Variants in CHODL observed in about 807,000 individuals in gnomAD.
CHODL encodes the protein transmembrane protein MT75.
CHODL carries 29 observed loss-of-function variants against 34.5 expected under a neutral mutation model. The ratio of observed to expected loss-of-function variants is 0.84; its 90% confidence interval spans 0.63 to 1.15. CHODL has a LOEUF of 1.15. CHODL is among the 50% of genes most tolerant of loss of function. CHODL has a pLI of 0.00. For synonymous variants in CHODL, 125 were observed against 116.1 expected (o/e 1.08, Z -0.49); for missense variants, 332 against 332.5 (o/e 1.00, Z 0.01).
intron 2 of CHODL, among the ~76,000 whole-genome samples, chr21:18,089,884 A>G (rs1295459499): frequency 6.6e-6 from 1 of 152,212 alleles, no homozygotes; most frequent in Non-Finnish European, 1.5e-5. Context: ...GTAAATATTT[A>G]TGAAAAGTTT....
chr21:18,026,433 G>A (rs2064175640), intron 1 of CHODL, among the ~76,000 whole-genome samples: 1 of 35,096 alleles, frequency 2.8e-5, no homozygotes, highest in South Asian at 1.7e-3. Context: ...CAGAACAGTA[G>A]GGGTTCGACA....
intron 2 of CHODL, among the ~76,000 whole-genome samples, chr21:18,167,240 T>C (rs2073168249): frequency 6.6e-6 from 1 of 151,150 alleles, no homozygotes. Context: ...TGTGTGTGTG[T>C]GTGTGTGTGT....
chr21:18,014,398 A>G (rs760489933), intron 1 of CHODL, among the ~76,000 whole-genome samples: 113 of 152,346 alleles, frequency 7.4e-4, no homozygotes, highest in Non-Finnish European at 1.3e-3. Context: ...AATACCACAC[A>G]TTCTCACTTA....
intron 1 of CHODL, among the ~76,000 whole-genome samples, chr21:17,999,920 TAA>T (rs2063889685): frequency 1.3e-5 from 2 of 152,318 alleles, no homozygotes; most frequent in South Asian, 4.1e-4. Context: ...CTGAGCCTTT[TAA>T]AGTTAATTTT....
intron 1 of CHODL, among the ~76,000 whole-genome samples, chr21:17,968,541 TA>T (rs1301699982): frequency 1.3e-5 from 2 of 152,242 alleles, no homozygotes; most frequent in African/African-American, 2.4e-5. Flanking sequence ...GATTCTGCCC[TA>T]ATGGTTTCTT....
At chr21:18,135,639 T>A (rs1291786600) in intron 2 of CHODL, among the ~76,000 whole-genome samples, 1 of 152,152 alleles carries the variant, frequency 6.6e-6, no homozygotes, top group Non-Finnish European at 1.5e-5. Context: ...CAAATCTACC[T>A]CTATCATAGT....
intron 1 of CHODL, among the ~76,000 whole-genome samples, chr21:18,006,588 T>C (rs2063963672): frequency 6.6e-6 from 1 of 152,210 alleles, no homozygotes; most frequent in African/African-American, 2.4e-5. Flanking sequence ...TGTTTATAAG[T>C]GATGTAAGTA....
chr21:17,972,315 T>C (rs2063621600), intron 1 of CHODL, among the ~76,000 whole-genome samples: 1 of 152,104 alleles, frequency 6.6e-6, no homozygotes, highest in Admixed American at 6.5e-5. Flanking sequence ...GAGAAAGAAA[T>C]AAAGGGTATT....
At chr21:17,932,844 G>A (rs529071156) in intron 1 of CHODL, among the ~76,000 whole-genome samples, 14 of 152,198 alleles carry the variant, frequency 9.2e-5, no homozygotes, top group Admixed American at 1.3e-4. Context: ...GGGGACCAGC[G>A]TTCAGCATAC....
intron 2 of CHODL, among the ~76,000 whole-genome samples, chr21:18,194,847 C>T (rs1009030510): frequency 2.0e-5 from 3 of 151,556 alleles, no homozygotes; most frequent in Admixed American, 2.0e-4. Flanking sequence ...CAAAAAATTG[C>T]ACTTATTTGT....
chr21:18,087,301 T>C (rs1483718664), intron 2 of CHODL, among the ~76,000 whole-genome samples: 1 of 152,156 alleles, frequency 6.6e-6, no homozygotes, highest in Non-Finnish European at 1.5e-5. Flanking sequence ...GAGGTACTCA[T>C]AGGAGAGTCC....
intron 1 of CHODL, among the ~76,000 whole-genome samples, chr21:17,961,675 G>A (rs1188706940): frequency 1.3e-5 from 2 of 152,206 alleles, no homozygotes; most frequent in Non-Finnish European, 2.9e-5. Flanking sequence ...GCCATCTCCA[G>A]TGAGCAGGCT....
chr21:18,051,983 A>G (rs79651621), intron 2 of CHODL, among the ~76,000 whole-genome samples: 1 of 151,984 alleles, frequency 6.6e-6, no homozygotes, highest in Non-Finnish European at 1.5e-5. Context: ...AAATTTGATA[A>G]AGAATTGAGT....
intron 2 of CHODL, among the ~76,000 whole-genome samples, chr21:18,072,271 T>A (rs158022): frequency 0.38 from 57,181 of 151,688 alleles, 12,356 homozygotes; most frequent in East Asian, 0.95. Context: ...TTGAAAGCTC[T>A]CCCTCCTTAT....
chr21:17,926,031 T>A (rs906753384), intron 1 of CHODL, among the ~76,000 whole-genome samples: 3 of 152,204 alleles, frequency 2.0e-5, no homozygotes, highest in African/African-American at 7.2e-5. Context: ...ATAAGCATAA[T>A]GAGAACATAA....
intron 1 of CHODL, among the ~76,000 whole-genome samples, chr21:18,248,921 A>ATATGTATACATATATAT (rs1202711260): frequency 1.7e-5 from 2 of 115,038 alleles, no homozygotes; most frequent in Admixed American, 1.1e-4. Context: ...TAATACATAT[A>ATATGTATACATATATAT]TATGTATACA....
At chr21:18,127,250 T>C (rs1227929074) in intron 2 of CHODL, among the ~76,000 whole-genome samples, 7 of 152,174 alleles carry the variant, frequency 4.6e-5, no homozygotes, top group African/African-American at 1.7e-4. Context: ...ACTCTGGATA[T>C]ACTAAACGCC....
intron 2 of CHODL, among the ~76,000 whole-genome samples, chr21:18,057,628 C>T (rs2064599774): frequency 6.6e-6 from 1 of 151,884 alleles, no homozygotes; most frequent in Non-Finnish European, 1.5e-5. Flanking sequence ...TTTTGCTGCC[C>T]TAAAAAACCC....
intron 1 of CHODL, among the ~76,000 whole-genome samples, chr21:17,996,728 C>G (rs1340251619): frequency 2.6e-5 from 4 of 152,216 alleles, no homozygotes; most frequent in Admixed American, 1.3e-4. Flanking sequence ...ATAATAAACA[C>G]TCTTCAACAA....
Sources: allele counts gnomAD v4.1 joint callset (sites outside exome capture counted in the v4.1 genomes callset), GRCh38; gene constraint gnomAD v4.1.1; transcripts MANE v1.5; gene names NCBI Gene and HGNC (gene_info 2026-07-23, HGNC 2026-07-21).